ITGA8: variants seen among roughly 807,000 people sequenced by gnomAD.
ITGA8 encodes integrin alpha-8.
In ITGA8, 91 loss-of-function variants were observed where a neutral mutation model predicts 142.3. The ratio of observed to expected loss-of-function variants is 0.64; its 90% CI spans 0.54 to 0.76. The LOEUF is 0.76. ITGA8 is among the 30% of genes least tolerant of loss of function. The pLI, the probability that ITGA8 is intolerant of heterozygous loss-of-function variation, is 0.00. For synonymous variants in ITGA8, 505 were observed against 485.2 expected, an observed-to-expected ratio of 1.04 and a Z score of -0.54; for missense variants, 1,406 against 1,327.7, an observed-to-expected ratio of 1.06 and a Z score of -0.92.
chr10:15,687,584 T>G (rs1834854847), intron 3 of ITGA8, among the ~76,000 whole-genome samples: 1 of 152,220 alleles, frequency 6.6e-6, no homozygotes, highest in East Asian at 1.9e-4. Context: ...CTTAGCATCC[T>G]TATGGGAATA....
intron 24 of ITGA8, 95 bp from the exon 25 acceptor site, chr10:15,572,464 A>G: frequency 1.7e-6 from 2 of 1,179,010 alleles, no homozygotes; most frequent in South Asian, 1.7e-5. Context: ...GAAAGCATGT[A>G]TTATTGGTTT....
intron 13 of ITGA8, among the ~76,000 whole-genome samples, chr10:15,635,724 G>C (rs1833761425): frequency 6.6e-6 from 1 of 152,074 alleles, no homozygotes; most frequent in Non-Finnish European, 1.5e-5. Flanking sequence ...AAAACATAAT[G>C]CTTGGCTTTT....
intron 10 of ITGA8, among the ~76,000 whole-genome samples, chr10:15,657,809 G>A (rs992645024): frequency 1.3e-5 from 2 of 152,126 alleles, no homozygotes; most frequent in African/African-American, 4.8e-5. Flanking sequence ...AAAATTAAGT[G>A]CGTAGTTCTG....
chr10:15,600,981 T>C (rs1833094120), intron 20 of ITGA8, among the ~76,000 whole-genome samples: 1 of 152,218 alleles, frequency 6.6e-6, no homozygotes, highest in Non-Finnish European at 1.5e-5. Context: ...GGCTCACACC[T>C]GTAATCTCAG....
At chr10:15,612,354 C>T (rs1468082080) in intron 15 of ITGA8, among the ~76,000 whole-genome samples, 2 of 152,216 alleles carry the variant, frequency 1.3e-5, no homozygotes, top group East Asian at 1.9e-4. Flanking sequence ...AATAACTTCT[C>T]TGGGTCAAGA....
At chr10:15,642,293 C>T (rs998721043) in intron 13 of ITGA8, among the ~76,000 whole-genome samples, 2 of 152,020 alleles carry the variant, frequency 1.3e-5, no homozygotes, top group African/African-American at 4.8e-5. Context: ...TCATTTGGGA[C>T]GTGTTTAGCC....
intron 8 of ITGA8, among the ~76,000 whole-genome samples, chr10:15,664,275 G>A (rs1289877929): frequency 3.3e-5 from 5 of 152,152 alleles, no homozygotes; most frequent in Admixed American, 6.6e-5. Context: ...ACTCTTAAGC[G>A]TTACAATATA....
chr10:15,592,328 CAA>C, intron 21 of ITGA8, 24 bp from the exon 22 acceptor site: 1 of 1,535,896 alleles, frequency 6.5e-7, no homozygotes, highest in Middle Eastern at 1.7e-4. Context: ...TAAAATCACA[CAA>C]GAGTAGCTTG....
intron 27 of ITGA8, among the ~76,000 whole-genome samples, chr10:15,541,518 GT>G (rs2131551963): frequency 6.6e-6 from 1 of 152,290 alleles, no homozygotes; most frequent in African/African-American, 2.4e-5. Context: ...GGGATAATTT[GT>G]TGTGATCTCA....
At chr10:15,601,685 TA>T (rs1443429400) in intron 20 of ITGA8, among the ~76,000 whole-genome samples, 1 of 152,082 alleles carries the variant, frequency 6.6e-6, no homozygotes, top group African/African-American at 2.4e-5. Context: ...AAAGGAAATA[TA>T]AAGGCTGGCT....
At chr10:15,603,602 T>C (rs763628731) in intron 20 of ITGA8, among the ~76,000 whole-genome samples, 4 of 152,230 alleles carry the variant, frequency 2.6e-5, no homozygotes, top group Non-Finnish European at 5.9e-5. Context: ...ATTCATGTTC[T>C]GATAAGGAAG....
chr10:15,673,318 C>T (rs1382186208), intron 6 of ITGA8, among the ~76,000 whole-genome samples: 1 of 152,020 alleles, frequency 6.6e-6, no homozygotes, highest in Non-Finnish European at 1.5e-5. Context: ...TTCCTGACTT[C>T]GTGATCTGCT....
At chr10:15,560,357 A>G (rs997907949) in intron 25 of ITGA8, among the ~76,000 whole-genome samples, 25 of 152,344 alleles carry the variant, frequency 1.6e-4, no homozygotes, top group East Asian at 9.6e-4. Flanking sequence ...GTGGAAATTT[A>G]ACTGCAGTAG....
intron 2 of ITGA8, among the ~76,000 whole-genome samples, chr10:15,712,923 C>T (rs1297618285): frequency 6.6e-6 from 1 of 152,254 alleles, no homozygotes; most frequent in Non-Finnish European, 1.5e-5. Context: ...CCTGTTCCCT[C>T]ACACAGACTT....
chr10:15,609,492 C>T (rs1833254156), intron 15 of ITGA8, among the ~76,000 whole-genome samples: 2 of 152,172 alleles, frequency 1.3e-5, no homozygotes, highest in South Asian at 2.1e-4. Flanking sequence ...GTCAATGTCT[C>T]CCCTCAGGGT....
intron 2 of ITGA8, among the ~76,000 whole-genome samples, chr10:15,708,398 A>T (rs1835301064): frequency 6.6e-6 from 1 of 152,186 alleles, no homozygotes; most frequent in South Asian, 2.1e-4. Flanking sequence ...AAAAATTTCC[A>T]GTGGAGACCA....
intron 27 of ITGA8, among the ~76,000 whole-genome samples, chr10:15,538,444 G>A (rs12252454): frequency 0.026 from 3,771 of 147,570 alleles, 161 homozygotes; most frequent in African/African-American, 0.09. Flanking sequence ...CCCGGGAGAC[G>A]ATGGTTGCAG....
chr10:15,543,049 C>T (rs2131553135), intron 27 of ITGA8, among the ~76,000 whole-genome samples: 1 of 152,242 alleles, frequency 6.6e-6, no homozygotes, highest in South Asian at 2.1e-4. Context: ...CTGGCTTACA[C>T]CAAGTAGAAT....
At chr10:15,533,444 T>C (rs1447767346) in intron 27 of ITGA8, among the ~76,000 whole-genome samples, 1 of 152,216 alleles carries the variant, frequency 6.6e-6, no homozygotes, top group Non-Finnish European at 1.5e-5. Flanking sequence ...CTTTTGCTCA[T>C]AAAATCATGT....
Sources: gnomAD v4.1 joint callset for allele counts (sites outside exome capture counted in the v4.1 genomes callset) on GRCh38, gnomAD v4.1.1 for gene constraint, MANE v1.5 for transcripts, NCBI Gene and HGNC (gene_info 2026-07-23, HGNC 2026-07-21) for gene names.